Variants in GRK5 observed in about 807,000 individuals in gnomAD.
GRK5 encodes the protein g protein-coupled receptor kinase GRK5.
In GRK5, 40 loss-of-function variants were observed where a neutral mutation model predicts 78.4. That is an observed-to-expected ratio of 0.51 (90% CI 0.40 to 0.66). The LOEUF (loss-of-function observed/expected upper bound fraction) is 0.66, where lower values mean the gene tolerates loss of function less well. GRK5 is among the 30% of genes least tolerant of loss of function. The pLI, the probability that GRK5 is intolerant of heterozygous loss-of-function variation, is 0.00. For missense variants in GRK5, 598 were observed against 759.9 expected (o/e 0.79, Z 2.50); for synonymous variants, 289 against 296.8 (o/e 0.97, Z 0.27).
Position 119,398,085 on chromosome 10 carries a change from C to A in GRK5, c.339+1313C>A, listed in dbSNP as rs562842443. Among the ~76,000 whole-genome samples, 163 of 152,346 alleles carry A rather than the reference C, an allele frequency of 1.1e-3. 1 individual carries two copies. Among genetic ancestry groups the A allele is most frequent in the African/African-American group, 3.8e-3 (158 of 41,588 alleles). ...GTGGCCCTGGGTAGGCACAGCTGCC[C>A]CCACCTTGGGGGCCTTGCTATGCTC... On this transcript the variant is annotated intron_variant, in intron 4 of 15. Transcript: ENST00000392870.
At chr10:119,258,444 T>C (rs1192812830) in intron 1 of GRK5, among the ~76,000 whole-genome samples, 1 of 152,236 alleles carries the variant, frequency 6.6e-6, no homozygotes, top group Non-Finnish European at 1.5e-5. Flanking sequence ...GGTAAATATG[T>C]AGGAGTGGGA....
At chr10:119,365,672 C>T (rs922085718) in intron 2 of GRK5, among the ~76,000 whole-genome samples, 2 of 152,212 alleles carry the variant, frequency 1.3e-5, no homozygotes, top group Non-Finnish European at 2.9e-5. Context: ...CCTTCCCCTA[C>T]CCGGCCTCAG....
intron 2 of GRK5, among the ~76,000 whole-genome samples, chr10:119,371,999 T>G (rs1056237100): frequency 6.6e-6 from 1 of 152,258 alleles, no homozygotes; most frequent in Non-Finnish European, 1.5e-5. Flanking sequence ...TGGAGCAGAA[T>G]AATTATGTGT....
Position 119,219,619 on chromosome 10 carries a change from T to C in GRK5, c.52+11650T>C, listed in dbSNP as rs114674400. Among the ~76,000 whole-genome samples the C allele has an allele frequency of 5.0e-3, 754 of 152,276 alleles. 5 individuals carry two copies. Among genetic ancestry groups the C allele is most frequent in the African/African-American group, 0.017 (724 of 41,542 alleles). On this transcript the variant is annotated intron_variant, in intron 1 of 15. Coordinates refer to ENST00000392870, the MANE Select transcript of GRK5 (RefSeq NM_005308.3). ...TGGTACATTAGGATACGATTCAACATGGTTAAGAAAGGTTAACTAAGGTTA... is the reference window on the plus strand; with the variant it reads ...TGGTACATTAGGATACGATTCAACACGGTTAAGAAAGGTTAACTAAGGTTA...
At chr10:119,213,431 A>G (rs1328903042) in intron 1 of GRK5, among the ~76,000 whole-genome samples, 1 of 152,176 alleles carries the variant, frequency 6.6e-6, no homozygotes, top group Non-Finnish European at 1.5e-5. Flanking sequence ...GAATCACTTG[A>G]ACCTGGGAGG....
At chr10:119,295,582 G>T (rs1265828197) in intron 1 of GRK5, among the ~76,000 whole-genome samples, 1 of 152,006 alleles carries the variant, frequency 6.6e-6, no homozygotes, top group Non-Finnish European at 1.5e-5. Context: ...AGTAGATAAA[G>T]AAACTGAGAT....
intron 2 of GRK5, among the ~76,000 whole-genome samples, chr10:119,344,715 A>T (rs1311385940): frequency 6.6e-6 from 1 of 152,040 alleles, no homozygotes; most frequent in Non-Finnish European, 1.5e-5. Context: ...AGCCCGAGAG[A>T]TCAGCTCAGG....
At chr10:119,261,092 C>A (rs1453339678) in intron 1 of GRK5, among the ~76,000 whole-genome samples, 1 of 147,224 alleles carries the variant, frequency 6.8e-6, no homozygotes, top group Non-Finnish European at 1.5e-5. Flanking sequence ...ACGCTCCTCA[C>A]TTCCCAGACT....
At chr10:119,420,663 C>T (rs773697348) in intron 4 of GRK5, among the ~76,000 whole-genome samples, 4 of 151,406 alleles carry the variant, frequency 2.6e-5, no homozygotes, top group Non-Finnish European at 4.4e-5. Context: ...ACTGCAGCCT[C>T]GACCTCTTGG....
intron 13 of GRK5, among the ~76,000 whole-genome samples, chr10:119,450,653 G>C (rs1351340381): frequency 6.6e-6 from 1 of 152,130 alleles, no homozygotes; most frequent in Non-Finnish European, 1.5e-5. Context: ...AAAGTCCTGT[G>C]TCCTGGGGAG....
At chr10:119,410,555 A>G (rs1172489966) in intron 4 of GRK5, among the ~76,000 whole-genome samples, 25 of 152,038 alleles carry the variant, frequency 1.6e-4, no homozygotes, top group Non-Finnish European at 1.5e-5. Flanking sequence ...ACCACCCCCG[A>G]CGCTTTGCAG....
intron 1 of GRK5, among the ~76,000 whole-genome samples, chr10:119,293,549 C>T (rs1850021439): frequency 1.3e-5 from 2 of 152,330 alleles, no homozygotes; most frequent in South Asian, 4.1e-4. Flanking sequence ...TGACCTTTGG[C>T]CGTGGGCATT....
rs1030354030 is a variant in GRK5 at position 119,267,115 on chromosome 10, C to T, written c.52+59146C>T. 5.9e-5 allele frequency among the ~76,000 whole-genome samples: 9 copies of T among 152,038 alleles called. No individual in the cohort carries two copies. In the South Asian group the frequency reaches 1.2e-3, roughly 21 times the overall value. On this transcript the variant is annotated intron_variant, in intron 1 of 15. Coordinates refer to ENST00000392870, the MANE Select transcript of GRK5 (RefSeq NM_005308.3). The surrounding 1 kb of genome is among the most constrained non-coding windows in gnomAD (Gnocchi z 4.1). ...AAAATTAGCCAGGCATGGTGGCGGG[C>T]GCCTGTAATCTCAGCTACTCAGGAT...
intron 1 of GRK5, among the ~76,000 whole-genome samples, chr10:119,303,511 CAG>C (rs1373113558): frequency 1.3e-5 from 2 of 152,070 alleles, no homozygotes. Context: ...GGGAGGAGCT[CAG>C]AGTGTCTGGA....
At chr10:119,414,376 C>CGT (rs368798484) in intron 4 of GRK5, among the ~76,000 whole-genome samples, 1,643 of 151,942 alleles carry the variant, frequency 0.011, 33 homozygotes, top group African/African-American at 0.038. Context: ...TGGACGTTAG[C>CGT]GTGTGTGTGT....
intron 1 of GRK5, among the ~76,000 whole-genome samples, chr10:119,284,954 T>G (rs1849822535): frequency 6.6e-6 from 1 of 152,186 alleles, no homozygotes; most frequent in African/African-American, 2.4e-5. Flanking sequence ...CCAGTCTGCG[T>G]GGGGATCTGG....
At chr10:119,213,186 T>G (rs1848516813) in intron 1 of GRK5, 1 of 152,162 alleles carries the variant, frequency 6.6e-6, no homozygotes, top group Admixed American at 6.5e-5. Context: ...AAGAGAATAT[T>G]GAAGACAAGG....
rs142124663 is a variant in GRK5, at chr10:119,328,062, G to T, written c.148+1451G>T. 4.3e-3 allele frequency among the ~76,000 whole-genome samples: 659 copies of T among 152,338 alleles called. 8 individuals are homozygous for T. The highest frequency in any genetic ancestry group is 0.015 in the African/African-American group (637 of 41,574). On this transcript the variant is annotated intron_variant, in intron 2 of 15. Transcript: ENST00000392870. Reference sequence around the variant, plus strand: ...GTGAACCCAGTCATAGGGTGGTGGAGTGGGTGAGATGAGACCATGTGTGTA... The same window carrying T: ...GTGAACCCAGTCATAGGGTGGTGGATTGGGTGAGATGAGACCATGTGTGTA...
chr10:119,363,598 A>T (rs1255220442), intron 2 of GRK5, among the ~76,000 whole-genome samples: 1 of 152,134 alleles, frequency 6.6e-6, no homozygotes, highest in African/African-American at 2.4e-5. Context: ...CTGCATGGTC[A>T]CCCAGTTCCC....
Sources: gnomAD v4.1 joint callset for allele counts (sites outside exome capture counted in the v4.1 genomes callset) on GRCh38, gnomAD v4.1.1 for gene constraint, Gnocchi (gnomAD v3.1) non-coding constraint, MANE v1.5 for transcripts, NCBI Gene and HGNC (gene_info 2026-07-23, HGNC 2026-07-21) for gene names.